TPO: variants seen among roughly 807,000 people sequenced by gnomAD.
TPO encodes thyroid peroxidase.
TPO carries 78 observed loss-of-function variants against 96.9 expected under a neutral mutation model. That is an observed-to-expected ratio of 0.81 (90% confidence interval 0.67 to 0.97). TPO has a LOEUF of 0.97. Among genes scored for constraint, TPO ranks in the 50% least tolerant of loss-of-function variants. The pLI is 0.00. For missense variants in TPO, 1,252 were observed against 1,274.8 expected, an observed-to-expected ratio of 0.98 and a Z score of 0.27; for synonymous variants, 547 against 538.0, an observed-to-expected ratio of 1.02 and a Z score of -0.23.
chr2:1,480,669 G>A (rs980807327), intron 8 of TPO, among the ~76,000 whole-genome samples: 12 of 82,408 alleles, frequency 1.5e-4, no homozygotes, highest in African/African-American at 2.4e-4. Flanking sequence ...TCTCAGAGCC[G>A]GGAGTCACAG....
intron 15 of TPO, among the ~76,000 whole-genome samples, chr2:1,527,827 CATA>C (rs1676947456): frequency 6.7e-6 from 1 of 148,224 alleles, no homozygotes. Context: ...CTCAAATCCC[CATA>C]CTGTGTGCAA....
At chr2:1,518,684 A>G (rs952606022) in intron 15 of TPO, among the ~76,000 whole-genome samples, 1 of 152,238 alleles carries the variant, frequency 6.6e-6, no homozygotes, top group African/African-American at 2.4e-5. Context: ...CATAATTCAG[A>G]CAACTGTGAG....
At chr2:1,486,782 C>T (rs1671203951) in intron 9 of TPO, among the ~76,000 whole-genome samples, 1 of 151,766 alleles carries the variant, frequency 6.6e-6, no homozygotes, top group Admixed American at 6.6e-5. Context: ...CAAAAGTTGA[C>T]CGGCTCCAGG....
intron 7 of TPO, among the ~76,000 whole-genome samples, chr2:1,473,901 T>A (rs1669665742): frequency 6.6e-6 from 1 of 152,182 alleles, no homozygotes; most frequent in African/African-American, 2.4e-5. Context: ...TTATCAATTT[T>A]TTAGAATTTT....
At chr2:1,409,486 G>C (rs1380139489), upstream of TPO, among the ~76,000 whole-genome samples, 1 of 152,070 alleles carries the variant, frequency 6.6e-6, no homozygotes, top group African/African-American at 2.4e-5. Context: ...GCTGTAATAA[G>C]AGTTGGAAGA....
intron 10 of TPO, among the ~76,000 whole-genome samples, chr2:1,489,597 A>T (rs1302551804): frequency 6.6e-6 from 1 of 152,218 alleles, no homozygotes; most frequent in Non-Finnish European, 1.5e-5. Context: ...GGCTGTGATC[A>T]CTAGCACCCA....
Position 1,436,503 on chromosome 2 carries a change from G to T in TPO, c.482+119G>T. ...ATCTGTATCCACCCCTGAGCCCCTGGTTCCTGTCCTTGGCCTCCCCGACAT... is the reference window on the plus strand; with the variant it reads ...ATCTGTATCCACCCCTGAGCCCCTGTTTCCTGTCCTTGGCCTCCCCGACAT... On this transcript the variant is annotated intron_variant, in intron 5 of 16. Coordinates refer to ENST00000329066, the MANE Select transcript of TPO (RefSeq NM_001206744.2). 3.3e-6 allele frequency: 5 copies of T among 1,513,082 alleles called. No homozygotes were observed. In the South Asian group the frequency reaches 4.7e-5, roughly 14 times the overall value. 93.7% of individuals were successfully genotyped at this position (1,513,082 alleles called of 1,614,324 possible). A position where few individuals can be genotyped will look rare whatever the true frequency, so the allele number is the denominator to read the frequency against.
At chr2:1,534,824 A>ACCC (rs1679193943) in intron 15 of TPO, among the ~76,000 whole-genome samples, 1 of 99,728 alleles carries the variant, frequency 1.0e-5, no homozygotes, top group Non-Finnish European at 1.9e-5. Context: ...CACTGTGTGC[A>ACCC]ACCTCAAGTC....
At chr2:1,382,109 G>A (rs889816357) in intron 1 of TPO, among the ~76,000 whole-genome samples, 1 of 152,068 alleles carries the variant, frequency 6.6e-6, no homozygotes, top group Non-Finnish European at 1.5e-5. Context: ...CCTTTAAAAT[G>A]CATCTCCACG....
At chr2:1,468,733 T>C (rs1669120555) in intron 7 of TPO, among the ~76,000 whole-genome samples, 1 of 152,224 alleles carries the variant, frequency 6.6e-6, no homozygotes, top group Non-Finnish European at 1.5e-5. Flanking sequence ...TTTGAGCCTC[T>C]TGTATTTGGT....
chr2:1,463,402 C>T (rs1366672984), intron 7 of TPO, among the ~76,000 whole-genome samples: 1 of 152,200 alleles, frequency 6.6e-6, no homozygotes, highest in East Asian at 1.9e-4. Flanking sequence ...ACACTCAAAG[C>T]ATCCAGTTTG....
chr2:1,509,395 GCCTCTTGTTTCAGGGACACCACAC>G lies in TPO; in HGVS notation c.2518+5340_2518+5363del, dbSNP rs551938653. ...ACCCTCTTCTTTCAGGGACAGCACAGCCTCTTGTTTCAGGGACACCACACCCTCTTGTTTCAGGGACACCACATC... is the reference window on the plus strand; with the variant it reads ...ACCCTCTTCTTTCAGGGACAGCACAGCCTCTTGTTTCAGGGACACCACATC... On this transcript the variant is annotated intron_variant, in intron 14 of 16. Coordinates refer to ENST00000329066, the MANE Select transcript of TPO (RefSeq NM_001206744.2). Among the ~76,000 whole-genome samples the G allele has an allele frequency of 4.4e-3, 659 of 149,224 alleles. 6 individuals carry two copies. The highest frequency in any genetic ancestry group is 0.014 in the African/African-American group (547 of 40,396).
At chr2:1,436,482 G>A in intron 5 of TPO, 98 bp downstream of exon 5, 1 of 1,544,906 alleles carries the variant, frequency 6.5e-7, no homozygotes, top group Non-Finnish European at 8.8e-7. Context: ...TGGTGGATCT[G>A]TATCCACCCC....
chr2:1,472,827 CAAAAAAAAAAAA>C (rs34064729), intron 7 of TPO, among the ~76,000 whole-genome samples: 6 of 48,338 alleles, frequency 1.2e-4, no homozygotes, highest in South Asian at 2.6e-3. Context: ...TGTTTGGCGG[CAAAAAAAAAAAA>C]AAAAAAAAAA....
intron 12 of TPO, 117 bp from the exon 13 acceptor site, chr2:1,496,478 C>A: frequency 2.1e-6 from 3 of 1,439,390 alleles, no homozygotes; most frequent in Admixed American, 1.9e-5. Context: ...CACAGCAGGG[C>A]TCCCCGGCCC....
At position 1,534,068 on chromosome 2, in the gene TPO, C is replaced by T. The variant is rs528150523; in HGVS notation, c.2619-6526C>T. On this transcript the variant is annotated intron_variant, in intron 15 of 16. Transcript: ENST00000329066. ...ATCCCACCACTGTGTTCAACCTCCC[C>T]GAATACCCACCACTCTGTGCAACCT... Among the ~76,000 whole-genome samples the T allele has an allele frequency of 2.4e-4, 23 of 96,596 alleles. 1 individual carries two copies. The highest frequency in any genetic ancestry group is 7.5e-4 in the African/African-American group (21 of 28,034). 63.4% of individuals were successfully genotyped at this position (96,596 alleles called of 152,430 possible).
intron 15 of TPO, among the ~76,000 whole-genome samples, chr2:1,537,718 T>C (rs1680147301): frequency 1.4e-5 from 1 of 71,358 alleles, no homozygotes; most frequent in Non-Finnish European, 2.6e-5. Context: ...GTGAGCGACC[T>C]CCCCAAATCC....
At chr2:1,474,796 C>T (rs10170270) in intron 7 of TPO, among the ~76,000 whole-genome samples, 10,347 of 152,236 alleles carry the variant, frequency 0.068, 570 homozygotes, top group African/African-American at 0.14. Context: ...CAAATCCTGC[C>T]TCACTCGGTG....
At chr2:1,537,970 TCTCAAATCCCCCCACTCTGTGCAACCCC>T (rs1680231104) in intron 15 of TPO, among the ~76,000 whole-genome samples, 1 of 46,646 alleles carries the variant, frequency 2.1e-5, no homozygotes, top group Non-Finnish European at 3.8e-5. Context: ...TGTGCAACCT[TCTCAAATCCCCCCACTCTGTGCAACCCC>T]CCCAAATCCC....
Sources: allele counts gnomAD v4.1 joint callset (sites outside exome capture counted in the v4.1 genomes callset), GRCh38; gene constraint gnomAD v4.1.1; transcripts MANE v1.5; gene names NCBI Gene and HGNC (gene_info 2026-07-23, HGNC 2026-07-21).